C4orf17: variants seen among roughly 807,000 people sequenced by gnomAD.
C4orf17 encodes the protein chromosome 4 open reading frame 17.
A neutral mutation model predicts 32.0 loss-of-function variants in C4orf17; 25 were observed. That is an observed-to-expected ratio of 0.78 (90% CI 0.57 to 1.09). The LOEUF is 1.09. Among genes scored for constraint, C4orf17 ranks in the 50% least tolerant of loss-of-function variants. C4orf17 has a pLI of 0.00. For synonymous variants in C4orf17, 149 were observed against 145.8 expected (o/e 1.02, Z -0.16); for missense variants, 420 against 420.0 (o/e 1.00, Z 0.00).
intron 1 of C4orf17, 108 bp from the exon 2 acceptor site, chr4:99,512,881 G>T: frequency 1.8e-6 from 1 of 571,044 alleles, no homozygotes. Flanking sequence ...TCACATTGCT[G>T]TAACATGAGA....
intron 6 of C4orf17, among the ~76,000 whole-genome samples, 160 bp from the exon 7 acceptor site, chr4:99,539,003 G>A (rs139282942): frequency 6.6e-6 from 1 of 152,256 alleles, no homozygotes; most frequent in Non-Finnish European, 1.5e-5. Context: ...ATGTTAAAAT[G>A]AACCAACTTT....
In C4orf17 at chr4:99,539,269, G is replaced by A. The variant is rs2110174729; in HGVS notation, c.735G>A (p.Lys245=). ...TGGAACCAGCAGCAGAGACTGGGAA[G>A]CCACCCACAGTTAAATCACCACCCA... The part of the protein sequence containing the change: ...TSMEPAAETG[K]PPTVKSPPTV... The change falls in exon 7 of 9, where the codon AAG becomes AAA. Residue 245 remains lysine (K), a synonymous_variant. Transcript: ENST00000326581. 3 of 1,614,060 alleles carry A rather than the reference G, an allele frequency of 1.9e-6. No homozygotes were observed. In the East Asian group the frequency reaches 6.7e-5, roughly 36 times the overall value.
chr4:99,524,704 A>T lies in C4orf17; in HGVS notation c.402+119A>T, dbSNP rs147095305. The T allele has an allele frequency of 4.1e-3, 2,565 of 619,556 alleles. 67 individuals carry two copies. The Admixed American group carries it at 0.044, about 11-fold the overall frequency. The allele number at this position is 619,556 out of a possible 1,614,324, so 38.4% of individuals were successfully genotyped here. On this transcript the variant is annotated intron_variant, in intron 4 of 8. Coordinates refer to ENST00000326581, the MANE Select transcript of C4orf17 (RefSeq NM_032149.3). Reference sequence around the variant, plus strand: ...TCACAATATTTTTACAGCTTTAGTAAAGTCTAATTAACATAATATAAGATA... The same window carrying T: ...TCACAATATTTTTACAGCTTTAGTATAGTCTAATTAACATAATATAAGATA...
intron 8 of C4orf17, chr4:99,540,684 C>T: frequency 2.3e-6 from 1 of 433,082 alleles, no homozygotes; most frequent in Admixed American, 4.0e-5. Context: ...CTTTGAGAAG[C>T]AAGACAGCAG....
chr4:99,536,013 C>T (rs2110173458), intron 5 of C4orf17: 1 of 444,106 alleles, frequency 2.3e-6, no homozygotes, highest in Non-Finnish European at 4.5e-6. Flanking sequence ...TGCTCCAGAC[C>T]CTGGTTGCCT....
intron 1 of C4orf17, 74 bp from the exon 2 acceptor site, chr4:99,512,915 G>A (rs762407206): frequency 1.5e-6 from 1 of 670,908 alleles, no homozygotes; most frequent in African/African-American, 1.8e-5. Context: ...AAGCAAAGAA[G>A]ATGGAGAAAT....
chr4:99,529,658 T>C (rs569488998), intron 4 of C4orf17, among the ~76,000 whole-genome samples, 157 bp from the exon 5 acceptor site: 139 of 152,334 alleles, frequency 9.1e-4, no homozygotes, highest in African/African-American at 2.9e-3. Context: ...TGTCTCCAAA[T>C]ATAAATATTT....
intron 3 of C4orf17, among the ~76,000 whole-genome samples, chr4:99,524,061 A>G (rs919691131): frequency 1.6e-4 from 23 of 148,178 alleles, no homozygotes; most frequent in Admixed American, 4.7e-4. Flanking sequence ...CTCACTGCAA[A>G]CTCCACCTCC....
chr4:99,540,378 G>A, intron 7 of C4orf17, 34 bp from the exon 8 acceptor site: 1 of 1,561,826 alleles, frequency 6.4e-7, no homozygotes, highest in Non-Finnish European at 8.8e-7. Flanking sequence ...TTGTATCTGT[G>A]AAATTCACTT....
Position 99,515,788 on chromosome 4 carries a change from A to T in C4orf17, c.127+2580A>T, listed in dbSNP as rs934447285. 4.1e-5 allele frequency among the ~76,000 whole-genome samples: 6 copies of T among 144,922 alleles called. No homozygotes were observed. In the East Asian group the frequency reaches 1.2e-3, roughly 28 times the overall value. ...GAAATAAAAATAAAAATTAATTATT[A>T]AAAAAATTAAAAATAAAAAAAAGTC... On this transcript the variant is annotated intron_variant, in intron 2 of 8. Transcript: ENST00000326581.
chr4:99,526,120 T>G (rs1323303436), intron 4 of C4orf17, among the ~76,000 whole-genome samples: 1 of 152,210 alleles, frequency 6.6e-6, no homozygotes, highest in Admixed American at 6.5e-5. Context: ...CATTAAATAT[T>G]ATGTTCATAT....
intron 2 of C4orf17, among the ~76,000 whole-genome samples, chr4:99,521,875 A>G (rs1199783369): frequency 6.6e-6 from 1 of 152,220 alleles, no homozygotes; most frequent in Non-Finnish European, 1.5e-5. Flanking sequence ...CAAATCCTAT[A>G]TTTGAGCCAA....
At chr4:99,536,504 T>A (rs930081408) in intron 5 of C4orf17, among the ~76,000 whole-genome samples, 2 of 152,194 alleles carry the variant, frequency 1.3e-5, no homozygotes, top group Non-Finnish European at 2.9e-5. Context: ...CTGGGCATGA[T>A]CTGGCACAGC....
rs1399233913 is a variant in C4orf17, at chr4:99,518,558, G to T, written c.128-3942G>T. On this transcript the variant is annotated intron_variant, in intron 2 of 8. Coordinates refer to ENST00000326581, the MANE Select transcript of C4orf17 (RefSeq NM_032149.3). The stretch of plus-strand genomic sequence containing the variant: ...ATATATATATATAGAGAGAGAGAGA[G>T]AGAGAGAGAGAGAGAGAGAGAGAGA... Among the ~76,000 whole-genome samples, 186 of 118,570 alleles carry T rather than the reference G, an allele frequency of 1.6e-3. 1 individual carries two copies. The East Asian group carries it at 0.02, about 13-fold the overall frequency. The allele number at this position is 118,570 out of a possible 152,430, so 77.8% of individuals were successfully genotyped here.
At chr4:99,540,209 T>C (rs1578197406) in intron 7 of C4orf17, among the ~76,000 whole-genome samples, 2 of 152,222 alleles carry the variant, frequency 1.3e-5, no homozygotes, top group South Asian at 4.1e-4. Flanking sequence ...TAACATATGA[T>C]ACAATAGTTA....
chr4:99,539,361 A>T lies in C4orf17; in HGVS notation c.827A>T (p.Gln276Leu), dbSNP rs754598695. 6 of 1,613,888 alleles carry T rather than the reference A, an allele frequency of 3.7e-6. No homozygotes were observed. The highest frequency in any genetic ancestry group is 4.2e-6 in the Non-Finnish European group (5 of 1,179,744). Reference sequence around the variant, plus strand: ...CTGACCAGAGATACAGAAGGGGATCAACCAACCAGGTAATTAGATATAATG... The same window carrying T: ...CTGACCAGAGATACAGAAGGGGATCTACCAACCAGGTAATTAGATATAATG... The part of the protein sequence containing the change: ...KVLTRDTEGD[Q>L]PTRVSSQGSE... The change falls in exon 7 of 9, where the codon CAA becomes CTA. Residue 276 changes from glutamine to leucine, a missense_variant. Gln to Leu is a moderately radical substitution (Grantham distance 113, BLOSUM62 -2). Transcript: ENST00000326581.
At chr4:99,535,574 A>G (rs772999466) in intron 5 of C4orf17, among the ~76,000 whole-genome samples, 1 of 151,858 alleles carries the variant, frequency 6.6e-6, no homozygotes, top group Non-Finnish European at 1.5e-5. Flanking sequence ...TGTGTTTTTC[A>G]GCTCCATCAG....
At chr4:99,520,206 T>TA (rs1364512663) in intron 2 of C4orf17, among the ~76,000 whole-genome samples, 9 of 151,966 alleles carry the variant, frequency 5.9e-5, no homozygotes, top group Non-Finnish European at 8.8e-5. Context: ...TCTCCTGCCT[T>TA]AGTCTCCCGA....
At chr4:99,534,567 C>T (rs1578194963) in intron 5 of C4orf17, among the ~76,000 whole-genome samples, 1 of 152,314 alleles carries the variant, frequency 6.6e-6, no homozygotes, top group South Asian at 2.1e-4. Context: ...CTGTCTTCCA[C>T]AATGGTTGAA....
Sources: gnomAD v4.1 joint callset for allele counts (sites outside exome capture counted in the v4.1 genomes callset) on GRCh38, gnomAD v4.1.1 for gene constraint, MANE v1.5 for transcripts, NCBI Gene and HGNC (gene_info 2026-07-23, HGNC 2026-07-21) for gene names.